The following TCP11 variants were observed in gnomAD, a reference collection of about 807,000 sequenced individuals.
The protein encoded by TCP11 is T-complex protein 11 homolog.
A neutral mutation model predicts 45.0 loss-of-function variants in TCP11; 34 were observed. That is an observed-to-expected ratio of 0.76 (90% CI 0.57 to 1.01). The LOEUF is 1.01. Ranked by LOEUF, TCP11 falls within the 50% of genes least tolerant of loss-of-function variation. The probability of loss-of-function intolerance (pLI) is 0.00; values close to 1 mark genes in which losing one functional copy is unlikely to be tolerated. For synonymous variants in TCP11, 227 were observed against 227.0 expected, an observed-to-expected ratio of 1.00 and a Z score of 0.00; for missense variants, 523 against 598.1, an observed-to-expected ratio of 0.87 and a Z score of 1.31.
chr6:35,123,750 G>A (rs1330576017), intron 4 of TCP11, among the ~76,000 whole-genome samples: 3 of 147,870 alleles, frequency 2.0e-5, no homozygotes, highest in Admixed American at 1.4e-4. Flanking sequence ...GCCTCCCAAA[G>A]TGCTGGGATT....
rs941031958 is a variant in TCP11, at chr6:35,140,539, C to T, written c.124+208G>A. 2.4e-5 allele frequency: 16 copies of T among 663,420 alleles called. No homozygotes were observed. The African/African-American group carries it at 2.8e-4, about 12-fold the overall frequency. The allele number at this position is 663,420 out of a possible 1,614,324, so 41.1% of individuals were successfully genotyped here. On this transcript the variant is annotated intron_variant, in intron 2 of 9. Coordinates refer to ENST00000311875, the MANE Select transcript of TCP11 (RefSeq NM_001370687.1). ...AAATCTTGTCAGATTCAAGTAATCA[C>T]GCTTGGGTCACTTCTTTCTCTAGAA...
chr6:35,124,817 AC>A (rs1181356660), intron 4 of TCP11, among the ~76,000 whole-genome samples: 1 of 152,048 alleles, frequency 6.6e-6, no homozygotes, highest in Non-Finnish European at 1.5e-5. Context: ...CCTTTACCTT[AC>A]CCCCATATAA....
intron 2 of TCP11, chr6:35,140,094 G>A (rs2127696696): frequency 1.2e-6 from 2 of 1,613,904 alleles, no homozygotes; most frequent in Admixed American, 1.7e-5. Context: ...GCGACCTCAT[G>A]TGGCCACAAG....
Position 35,136,135 on chromosome 6 carries a change from T to C in TCP11, c.208A>G (p.Met70Val), listed in dbSNP as rs1781058703. The C allele has an allele frequency of 3.7e-6, 6 of 1,613,790 alleles. No homozygotes were observed. The South Asian group carries it at 4.4e-5, about 12-fold the overall frequency. ...CTTGGAGGTAAAACCTTCTCTTCCA[T>C]GTAGTAATCACAATTCATCCCAATC... ...NKIGMNCDYY[M>V]EEKVLPPSSL... Residue 70 changes from methionine to valine, a missense_variant, in exon 3 of 10, where the codon ATG (methionine) becomes GTG (valine). Physicochemically the swap from Met to Val is conservative, Grantham distance 21 (BLOSUM62 1). Coordinates refer to ENST00000311875, the MANE Select transcript of TCP11 (RefSeq NM_001370687.1).
At chr6:35,133,764 C>G (rs1160589976) in intron 3 of TCP11, among the ~76,000 whole-genome samples, 2 of 151,608 alleles carry the variant, frequency 1.3e-5, no homozygotes, top group Admixed American at 6.6e-5. Context: ...CACACCCCAG[C>G]TTGGCGACAA....
chr6:35,141,247 G>A lies in TCP11; in HGVS notation c.-57C>T. On this transcript the variant is annotated 5_prime_UTR_variant, in exon 1 of 10. Transcript: ENST00000311875. ...CGGGTCATCCACTGGCGTCCGCTCG[G>A]TGGGCCTCGCGGCCTGGCGGCCTGG... is the stretch of plus-strand genomic sequence containing the variant. The A allele has an allele frequency of 1.5e-6, 2 of 1,332,918 alleles. No individual in the cohort carries two copies. The highest frequency in any genetic ancestry group is 1.9e-6 in the Non-Finnish European group (2 of 1,040,242). 82.6% of individuals were successfully genotyped at this position (1,332,918 alleles called of 1,614,324 possible).
intron 4 of TCP11, among the ~76,000 whole-genome samples, chr6:35,127,479 G>A (rs1177668998): frequency 6.6e-6 from 1 of 152,188 alleles, no homozygotes. Flanking sequence ...GGGAAATATG[G>A]AATGAATGAA....
chr6:35,129,711 T>C (rs1780194626), intron 3 of TCP11, among the ~76,000 whole-genome samples: 1 of 152,088 alleles, frequency 6.6e-6, no homozygotes, highest in Non-Finnish European at 1.5e-5. Context: ...ATCTATATAG[T>C]AATGGAAGCC....
In TCP11 at chr6:35,120,461, G is replaced by A. The variant is rs753359455; in HGVS notation, c.901C>T (p.Leu301Phe). ...AACTCTTCATTTTCAAGGTCCCAGA[G>A]AAGGAGGTTCAAGAAGCCCTGACAC... ...VLCQGFLNLL[L>F]WDLENEEFPE... Residue 301 changes from leucine to phenylalanine, a missense_variant, in exon 7 of 10, where the codon CTC becomes TTC. Leu to Phe is a conservative substitution (Grantham distance 22). This residue lies in a region of TCP11 where 298 missense variants were observed against 387.9 expected (regional missense o/e 0.77). Coordinates refer to ENST00000311875, the MANE Select transcript of TCP11 (RefSeq NM_001370687.1). This position sits in a 1 kb window ranked among gnomAD's most constrained non-coding sequence, Gnocchi z 4.9. 1 of 1,602,690 alleles carries A rather than the reference G, an allele frequency of 6.2e-7. No homozygotes were observed. Among genetic ancestry groups the A allele is most frequent in the Non-Finnish European group, 8.5e-7 (1 of 1,174,272 alleles).
chr6:35,133,717 G>A (rs1780719401), intron 3 of TCP11, among the ~76,000 whole-genome samples: 1 of 151,894 alleles, frequency 6.6e-6, no homozygotes, highest in Admixed American at 6.6e-5. Flanking sequence ...TTGAACCCGG[G>A]AGGCTGAGGT....
chr6:35,140,952 C>A, intron 1 of TCP11, 68 bp from the exon 2 acceptor site: 1 of 1,005,396 alleles, frequency 9.9e-7, no homozygotes, highest in Non-Finnish European at 1.3e-6. Context: ...AAGGGGGTCC[C>A]TGGGGGCGGC....
chr6:35,126,542 A>G (rs1233958258), intron 4 of TCP11, among the ~76,000 whole-genome samples: 1 of 152,196 alleles, frequency 6.6e-6, no homozygotes, highest in African/African-American at 2.4e-5. Flanking sequence ...CCCTAACTAA[A>G]AAGTAGAATG....
rs56010838 is a variant in TCP11 at position 35,126,650 on chromosome 6, C to CTTTT, written c.357+2408_357+2411dup. Among the ~76,000 whole-genome samples, 8 of 66,896 alleles carry CTTTT rather than the reference C, an allele frequency of 1.2e-4. 1 individual carries two copies. Among genetic ancestry groups the CTTTT allele is most frequent in the East Asian group, 4.9e-4 (1 of 2,058 alleles). 43.9% of individuals were successfully genotyped at this position (66,896 alleles called of 152,430 possible). On this transcript the variant is annotated intron_variant, in intron 4 of 9. Coordinates refer to ENST00000311875, the MANE Select transcript of TCP11 (RefSeq NM_001370687.1). Reference sequence around the variant, plus strand: ...TGCAATATATGCTTTGAATCAAAGACTTTTTTTTTTTTTTTTTTTTTTTTT... The same window carrying CTTTT: ...TGCAATATATGCTTTGAATCAAAGACTTTTTTTTTTTTTTTTTTTTTTTTTTTTT...
chr6:35,129,556 C>T (rs1036640801), intron 3 of TCP11, among the ~76,000 whole-genome samples: 2 of 152,204 alleles, frequency 1.3e-5, no homozygotes, highest in African/African-American at 4.8e-5. Context: ...TTTTCTTATA[C>T]TCCTGAAATC....
chr6:35,122,054 G>A, intron 5 of TCP11, 63 bp downstream of exon 5: 1 of 1,522,178 alleles, frequency 6.6e-7, no homozygotes, highest in Non-Finnish European at 9.1e-7. Context: ...ATCTAGGTCT[G>A]GCCCAGCTTT....
chr6:35,140,174 C>G (rs751407864), intron 2 of TCP11: 6 of 1,585,048 alleles, frequency 3.8e-6, no homozygotes, highest in Non-Finnish European at 4.3e-6. Flanking sequence ...AGAATTTTAT[C>G]TTGAGTTGTT....
intron 4 of TCP11, among the ~76,000 whole-genome samples, chr6:35,124,330 T>C (rs1325056721): frequency 2.6e-5 from 4 of 152,180 alleles, no homozygotes; most frequent in Non-Finnish European, 5.9e-5. Flanking sequence ...TAAGTGTCCA[T>C]AGCAAATAAG....
chr6:35,132,759 C>T (rs902364447), intron 3 of TCP11, among the ~76,000 whole-genome samples: 1 of 152,178 alleles, frequency 6.6e-6, no homozygotes, highest in African/African-American at 2.4e-5. Context: ...CTCCCTCTCT[C>T]GTTTCTTCTA....
At position 35,118,363 on chromosome 6, in the gene TCP11, T is replaced by C. The variant is rs1258484423; in HGVS notation, c.1418A>G (p.His473Arg). The C allele has an allele frequency of 1.9e-6, 3 of 1,614,046 alleles. No homozygotes were observed. Among genetic ancestry groups the C allele is most frequent in the Non-Finnish European group, 2.5e-6 (3 of 1,180,020 alleles). The change falls in exon 10 of 10, where the codon CAC becomes CGC. Residue 473 changes from histidine (H) to arginine (R), a missense_variant. Around this residue, in one of 2 missense-constraint regions of TCP11, gnomAD observed 298 missense variants for 387.9 expected, o/e 0.77. Transcript: ENST00000311875. Reference sequence around the variant, plus strand: ...GTAGGGACCAAACACCTGCTGATTGTGATGTGTCAAGTTGACAAACTTTTG... The same window carrying C: ...GTAGGGACCAAACACCTGCTGATTGCGATGTGTCAAGTTGACAAACTTTTG... ...LGQKFVNLTH[H>R]NQQVFGPYYT...
Sources: gnomAD v4.1 joint callset for allele counts (sites outside exome capture counted in the v4.1 genomes callset) on GRCh38, gnomAD v4.1.1 for gene constraint, gnomAD v4.1.1 regional missense constraint, Gnocchi (gnomAD v3.1) non-coding constraint, MANE v1.5 for transcripts, NCBI Gene and HGNC (gene_info 2026-07-23, HGNC 2026-07-21) for gene names.